SYDE2: variants seen among roughly 807,000 people sequenced by gnomAD.
The protein encoded by SYDE2 is synapse defective Rho GTPase homolog 2.
Under a neutral mutation model 91.5 loss-of-function variants are expected in SYDE2, and 76 were observed. That is an observed-to-expected ratio of 0.83 (90% CI 0.69 to 1.01). The LOEUF (loss-of-function observed/expected upper bound fraction) is 1.01. Ranked by LOEUF, SYDE2 falls within the 50% of genes least tolerant of loss-of-function variation. SYDE2 has a pLI of 0.00. For missense variants in SYDE2, 1,364 were observed against 1,367.7 expected (o/e 1.00, Z 0.04); for synonymous variants, 513 against 506.4 (o/e 1.01, Z -0.18).
chr1:85,187,576 T>C (rs1395967126), intron 2 of SYDE2, among the ~76,000 whole-genome samples: 5 of 150,530 alleles, frequency 3.3e-5, no homozygotes, highest in African/African-American at 1.2e-4. Flanking sequence ...CGTATGTTTA[T>C]TGCGGCACTA....
At chr1:85,155,482 ATTT>A (rs756289063), downstream of SYDE2, among the ~76,000 whole-genome samples, 11 of 148,724 alleles carry the variant, frequency 7.4e-5, no homozygotes, top group South Asian at 2.1e-4. Context: ...CTATTGAAAG[ATTT>A]TTTTTAAAAA....
In SYDE2 at chr1:85,182,627, G is replaced by C; in HGVS notation, c.2015C>G (p.Pro672Arg). ...AFRHYSFSDQ[P>R]KCSQYISGLM... ...CCCAGATATGTACTGTGAACACTTA[G>C]GTTGATCAGAAAAGCTATAATGCCT... The change falls in exon 3 of 7, where the codon CCT (proline) becomes CGT (arginine). Residue 672 changes from proline to arginine, a missense_variant. Coordinates refer to ENST00000341460, the MANE Select transcript of SYDE2 (RefSeq NM_032184.2). The C allele has an allele frequency of 6.2e-7, 1 of 1,613,842 alleles. No homozygotes were observed. The highest frequency in any genetic ancestry group is 8.5e-7 in the Non-Finnish European group (1 of 1,179,828).
At chr1:85,165,595 TAA>T (rs1491302165) in intron 5 of SYDE2, among the ~76,000 whole-genome samples, 2 of 135,808 alleles carry the variant, frequency 1.5e-5, no homozygotes, top group Admixed American at 7.6e-5. Context: ...AATAAATAAA[TAA>T]ATATATATAT....
Position 85,183,076 on chromosome 1 carries a change from AG to A in SYDE2, c.1565del (p.Ser522PhefsTer5). Reference protein sequence around the residue: ...INWSLPDKIKSPRTVRKLSMK... With the variant: ...INWSLPDKIKXPRTVRKLSMK... ...TGGAAAGTTTCCTCACAGTTCGTGG[AG>A]ATTTTATTTTATCTGGCAATGACCA... is the stretch of plus-strand genomic sequence containing the variant. On this transcript the variant is annotated frameshift_variant, in exon 3 of 7. Coordinates refer to ENST00000341460, the MANE Select transcript of SYDE2 (RefSeq NM_032184.2). LOFTEE classifies it high-confidence loss of function. 1.2e-6 allele frequency: 2 copies of A among 1,613,536 alleles called. No homozygotes were observed. The highest frequency in any genetic ancestry group is 4.5e-5 in the East Asian group (2 of 44,850).
chr1:85,161,457 G>A (rs1177161200), intron 6 of SYDE2, among the ~76,000 whole-genome samples: 1 of 152,176 alleles, frequency 6.6e-6, no homozygotes, highest in Non-Finnish European at 1.5e-5. Flanking sequence ...GCCAGGTGGT[G>A]GCTCACGCCT....
At chr1:85,163,061 C>T (rs984082727) in intron 6 of SYDE2, among the ~76,000 whole-genome samples, 6 of 151,178 alleles carry the variant, frequency 4.0e-5, no homozygotes, top group Non-Finnish European at 7.4e-5. Flanking sequence ...TTTAAGCCGG[C>T]ATTTAAAAGA....
chr1:85,166,684 T>C (rs1372866241), intron 5 of SYDE2, among the ~76,000 whole-genome samples: 1 of 152,190 alleles, frequency 6.6e-6, no homozygotes, highest in Non-Finnish European at 1.5e-5. Context: ...AAGTCAAATA[T>C]ATGAATCATA....
intron 3 of SYDE2, among the ~76,000 whole-genome samples, chr1:85,180,011 T>C (rs1657851099): frequency 6.6e-6 from 1 of 152,222 alleles, no homozygotes; most frequent in South Asian, 2.1e-4. Context: ...GATATATCCC[T>C]ACTTTCTGAT....
At chr1:85,168,079 C>T (rs947601251) in intron 5 of SYDE2, among the ~76,000 whole-genome samples, 1 of 150,926 alleles carries the variant, frequency 6.6e-6, no homozygotes, top group African/African-American at 2.4e-5. Context: ...CGCACCACTG[C>T]ACTCAAGCCC....
intron 5 of SYDE2, among the ~76,000 whole-genome samples, chr1:85,167,598 G>A (rs897536415): frequency 2.6e-5 from 4 of 152,094 alleles, no homozygotes; most frequent in Admixed American, 6.5e-5. Flanking sequence ...CCCTAGGCAC[G>A]TGCCACCATG....
chr1:85,191,020 G>A (rs1658345644), intron 1 of SYDE2, among the ~76,000 whole-genome samples: 1 of 151,838 alleles, frequency 6.6e-6, no homozygotes, highest in Non-Finnish European at 1.5e-5. Context: ...AAACTATAGT[G>A]CTAACAAAGC....
At position 85,182,393 on chromosome 1, in the gene SYDE2, TC is replaced by T. The variant is rs763407262; in HGVS notation, c.2248del (p.Glu750AsnfsTer23). On this transcript the variant is annotated frameshift_variant, in exon 3 of 7. Coordinates refer to ENST00000341460, the MANE Select transcript of SYDE2 (RefSeq NM_032184.2). LOFTEE classifies it high-confidence loss of function. ...AACTCGATTTTTTCTTGGAGTGGGT[TC>T]CCAACTGAATACTACTAGTTTCAAA... ...QHLKLVVFSWEPTPRKNRVCC... is the reference protein window; with the variant it reads ...QHLKLVVFSWXPTPRKNRVCC... The T allele has an allele frequency of 2.7e-5, 43 of 1,613,738 alleles. No homozygotes were observed. Among genetic ancestry groups the T allele is most frequent in the Non-Finnish European group, 3.6e-5 (43 of 1,179,822 alleles).
intron 6 of SYDE2, among the ~76,000 whole-genome samples, chr1:85,164,019 C>T (rs1490276500): frequency 6.6e-6 from 1 of 151,794 alleles, no homozygotes; most frequent in Non-Finnish European, 1.5e-5. Context: ...CAGTTAAAGA[C>T]GTAAAGAAGA....
At position 85,159,051 on chromosome 1, in the gene SYDE2, C is replaced by T. The variant is rs763529914; in HGVS notation, c.3284G>A (p.Cys1095Tyr). The T allele has an allele frequency of 2.6e-6, 2 of 780,868 alleles. 1 individual carries two copies. The highest frequency in any genetic ancestry group is 2.7e-5 in the South Asian group (2 of 74,620). The allele number at this position is 780,868 out of a possible 1,614,324, so 48.4% of individuals were successfully genotyped here. A position where few individuals can be genotyped will look rare whatever the true frequency, so the allele number is the denominator to read the frequency against. Residue 1095 changes from cysteine (C) to tyrosine (Y), a missense_variant, in exon 7 of 7, where the codon TGT (cysteine) becomes TAT (tyrosine). Coordinates refer to ENST00000341460, the MANE Select transcript of SYDE2 (RefSeq NM_032184.2). ...TGTATTTAAAAAGTAGTTTTCCCCA[C>T]AGCTGCTCCAGTCTCCTGCATAACG... The part of the protein sequence containing the change: ...SNRYAGDWSS[C>Y]GENYFLNTKE...
At chr1:85,161,367 A>G (rs1204366440) in intron 6 of SYDE2, among the ~76,000 whole-genome samples, 1 of 152,206 alleles carries the variant, frequency 6.6e-6, no homozygotes, top group Non-Finnish European at 1.5e-5. Context: ...AGATGAAATA[A>G]AAAGAAATAA....
chr1:85,171,021 G>C (rs920976763), intron 4 of SYDE2, among the ~76,000 whole-genome samples: 6 of 152,142 alleles, frequency 3.9e-5, no homozygotes, highest in African/African-American at 1.4e-4. Flanking sequence ...TCCTAGGCTT[G>C]GAACTTGAGT....
intron 6 of SYDE2, 119 bp from the exon 7 acceptor site, chr1:85,159,368 T>C: frequency 1.5e-6 from 1 of 656,680 alleles, no homozygotes; most frequent in Middle Eastern, 4.0e-4. Context: ...AACAAAAACA[T>C]GCACTCTGTC....
chr1:85,169,130 T>G lies in SYDE2; in HGVS notation c.2767A>C (p.Lys923Gln), dbSNP rs955123724. 6.2e-7 allele frequency: 1 copy of G among 1,613,912 alleles called. No individual in the cohort carries two copies. The highest frequency in any genetic ancestry group is 1.3e-5 in the African/African-American group (1 of 75,056). The change falls in exon 5 of 7, where the codon AAA becomes CAA. Residue 923 changes from lysine (K) to glutamine (Q), a missense_variant. Coordinates refer to ENST00000341460, the MANE Select transcript of SYDE2 (RefSeq NM_032184.2). ...TTCTCACAACCATTTGATGACATTT[T>G]CAAAGGACTTTTTGCCATTGCATCT... ...VLDAMAKSPL[K>Q]MSSNGCENDP...
chr1:85,187,758 T>C (rs1223642716), intron 2 of SYDE2, among the ~76,000 whole-genome samples: 3 of 151,368 alleles, frequency 2.0e-5, no homozygotes, highest in East Asian at 3.9e-4. Context: ...CAGTAAACTA[T>C]CTCAAGGACA....
Sources: gnomAD v4.1 joint callset for allele counts (sites outside exome capture counted in the v4.1 genomes callset) on GRCh38, gnomAD v4.1.1 for gene constraint, MANE v1.5 for transcripts, NCBI Gene and HGNC (gene_info 2026-07-23, HGNC 2026-07-21) for gene names.